CELF2: variants seen among roughly 807,000 people sequenced by gnomAD.
The protein encoded by CELF2 is CUG triplet repeat RNA-binding protein 2.
A neutral mutation model predicts 62.6 loss-of-function variants in CELF2; 8 were observed. That is an observed-to-expected ratio of 0.13 (90% confidence interval 0.07 to 0.23). The LOEUF is 0.23. Ranked by LOEUF, CELF2 falls within the 10% of genes least tolerant of loss-of-function variation. The pLI, the probability that CELF2 is intolerant of heterozygous loss-of-function variation, is 1.00. For synonymous variants in CELF2, 258 were observed against 250.0 expected (o/e 1.03, Z -0.30); for missense variants, 333 against 671.0 (o/e 0.50, Z 5.56).
rs528525611 is a variant in CELF2, at chr10:10,911,059, C to A, written c.54-8905C>A. ...TGCATAGGGAACATCCTCATAATGC[C>A]ACTAGCAGTGTCCAAGACAGGCCTC... On this transcript the variant is annotated intron_variant, in intron 1 of 13. Coordinates refer to the CELF2 transcript ENST00000636488. Among the ~76,000 whole-genome samples, 153 of 152,324 alleles carry A rather than the reference C, an allele frequency of 1.0e-3. 6 individuals carry two copies. The South Asian group carries it at 0.03, about 30-fold the overall frequency.
chr10:10,689,335 G>A, the CELF2 span, among the ~76,000 whole-genome samples: 15 of 152,186 alleles, frequency 9.9e-5, no homozygotes, highest in Non-Finnish European at 1.9e-4. Flanking sequence ...ATCTCATGAG[G>A]ACTCACTATC....
intron 2 of CELF2, among the ~76,000 whole-genome samples, chr10:10,955,938 T>C (rs995438703): frequency 2.0e-5 from 3 of 152,158 alleles, no homozygotes; most frequent in African/African-American, 7.2e-5. Flanking sequence ...GTTTAAACAC[T>C]AACCCGAGCC....
intron 1 of CELF2, among the ~76,000 whole-genome samples, chr10:10,862,999 C>T (rs183327639): frequency 6.6e-6 from 1 of 152,238 alleles, no homozygotes; most frequent in East Asian, 1.9e-4. Flanking sequence ...GATGTGTCAT[C>T]TACATAGACT....
chr10:10,472,827 G>A, the CELF2 span, among the ~76,000 whole-genome samples: 2 of 151,916 alleles, frequency 1.3e-5, no homozygotes, highest in South Asian at 2.1e-4. Flanking sequence ...GCTTTTATTA[G>A]TCTGGCCTCC....
At chr10:10,911,814 CTG>C (rs904878881) in intron 1 of CELF2, among the ~76,000 whole-genome samples, 5 of 152,348 alleles carry the variant, frequency 3.3e-5, no homozygotes, top group African/African-American at 1.2e-4. Flanking sequence ...TCTTGGGAAA[CTG>C]TTCTGAAAGC....
intron 1 of CELF2, among the ~76,000 whole-genome samples, chr10:11,112,567 C>T (rs1397688325): frequency 1.3e-5 from 2 of 152,218 alleles, no homozygotes; most frequent in African/African-American, 4.8e-5. Context: ...CAGTTGTTTT[C>T]TGATAGCAAA....
intron 1 of CELF2, among the ~76,000 whole-genome samples, chr10:11,043,872 C>A (rs922155368): frequency 6.6e-6 from 1 of 152,204 alleles, no homozygotes; most frequent in Non-Finnish European, 1.5e-5. Context: ...AGCAAGCCAG[C>A]GTCCTTAAAA....
the CELF2 span, among the ~76,000 whole-genome samples, chr10:10,638,635 T>C: frequency 6.6e-6 from 1 of 152,204 alleles, no homozygotes; most frequent in East Asian, 1.9e-4. Context: ...ATGTTTTAGA[T>C]GTGGGTGCTT....
intron 11 of CELF2, among the ~76,000 whole-genome samples, chr10:11,323,140 G>GT (rs2095532686): frequency 6.6e-6 from 1 of 152,112 alleles, no homozygotes; most frequent in Admixed American, 6.5e-5. Context: ...CTCGCCTGGA[G>GT]TTTTAGGGGT....
chr10:11,126,136 T>C (rs1747717), intron 1 of CELF2, among the ~76,000 whole-genome samples: 49,708 of 152,176 alleles, frequency 0.33, 9,132 homozygotes, highest in East Asian at 0.77. Flanking sequence ...CAAGTAAGGA[T>C]GAGTTCATTT....
In CELF2 at chr10:11,070,308, G is replaced by T. The variant is rs2069480754; in HGVS notation, c.74+52145G>T. ...GGCTCAGGTGGTGGGAATGCAGAGA[G>T]CACCAGCGGTGGGGCGAGGCTGGAG... On this transcript the variant is annotated intron_variant, in intron 1 of 12. Transcript: ENST00000633077. Among the ~76,000 whole-genome samples the T allele has an allele frequency of 2.0e-5, 3 of 152,218 alleles. No homozygotes were observed. In the South Asian group the frequency reaches 6.2e-4, roughly 32 times the overall value.
At chr10:10,657,413 T>C in the CELF2 span, among the ~76,000 whole-genome samples, 1 of 151,958 alleles carries the variant, frequency 6.6e-6, no homozygotes, top group African/African-American at 2.4e-5. Flanking sequence ...TATTTGCCAT[T>C]AAAAGTAATG....
intron 3 of CELF2, among the ~76,000 whole-genome samples, chr10:11,238,762 AT>A (rs2136766267): frequency 1.3e-5 from 2 of 152,280 alleles, no homozygotes; most frequent in African/African-American, 4.8e-5. Context: ...AAAGATTGCC[AT>A]TTTTTTGAGT....
intron 1 of CELF2, among the ~76,000 whole-genome samples, chr10:10,901,338 A>C (rs965038599): frequency 4.6e-5 from 7 of 152,216 alleles, no homozygotes; most frequent in African/African-American, 1.7e-4. Context: ...AGGCAACAGA[A>C]TAGAAAACCT....
At chr10:11,034,713 G>A (rs556243806) in intron 1 of CELF2, among the ~76,000 whole-genome samples, 3 of 152,260 alleles carry the variant, frequency 2.0e-5, no homozygotes, top group Admixed American at 6.5e-5. Context: ...GCTCCATTAG[G>A]TCAGGTTGAA....
chr10:11,164,517 ACTTT>A (rs1236672523), intron 1 of CELF2, among the ~76,000 whole-genome samples: 1 of 152,202 alleles, frequency 6.6e-6, no homozygotes, highest in Non-Finnish European at 1.5e-5. Context: ...GAAAAGGCAG[ACTTT>A]CTTTTTTTCT....
the CELF2 span, among the ~76,000 whole-genome samples, chr10:10,625,354 C>T: frequency 2.6e-5 from 4 of 152,230 alleles, no homozygotes; most frequent in South Asian, 8.3e-4. Context: ...GCTGCCATTA[C>T]ATATTAATGC....
chr10:11,079,560 C>CT, intron 1 of CELF2, among the ~76,000 whole-genome samples: 1 of 152,148 alleles, frequency 6.6e-6, no homozygotes, highest in Non-Finnish European at 1.5e-5. Context: ...TTATAAGGGG[C>CT]TTCCCCCTTC....
the CELF2 span, among the ~76,000 whole-genome samples, chr10:10,467,094 A>C: frequency 6.6e-6 from 1 of 152,056 alleles, no homozygotes; most frequent in African/African-American, 2.4e-5. Context: ...CAATATACCA[A>C]TATACCACTT....
Sources: gnomAD v4.1 joint callset for allele counts (sites outside exome capture counted in the v4.1 genomes callset) on GRCh38, gnomAD v4.1.1 for gene constraint, MANE v1.5 for transcripts, NCBI Gene and HGNC (gene_info 2026-07-23, HGNC 2026-07-21) for gene names.